KCNIP4: variants seen among roughly 807,000 people sequenced by gnomAD.
KCNIP4 encodes the protein potassium voltage-gated channel interacting protein 4, also known as Kv channel-interacting protein 4.
Under a neutral mutation model 34.0 loss-of-function variants are expected in KCNIP4, and 12 were observed. That is an observed-to-expected ratio of 0.35 (90% CI 0.23 to 0.57). The LOEUF (loss-of-function observed/expected upper bound fraction) is 0.57. Ranked by LOEUF, KCNIP4 falls within the 20% of genes least tolerant of loss-of-function variation. KCNIP4 has a pLI of 0.83. For missense variants in KCNIP4, 238 were observed against 311.7 expected (o/e 0.76, Z 1.78); for synonymous variants, 124 against 102.2 (o/e 1.21, Z -1.29).
intron 1 of KCNIP4, among the ~76,000 whole-genome samples, chr4:21,069,091 A>C (rs1744666880): frequency 6.6e-6 from 1 of 152,222 alleles, no homozygotes; most frequent in Admixed American, 6.5e-5. Flanking sequence ...TTAAATAAAT[A>C]AATTGCTCTT....
chr4:20,739,908 C>T (rs981664993), intron 5 of KCNIP4, among the ~76,000 whole-genome samples: 1 of 152,096 alleles, frequency 6.6e-6, no homozygotes. Flanking sequence ...AATGACCTGA[C>T]GGAGCTGAAA....
rs1317550422 is a variant in KCNIP4 at position 20,729,097 on chromosome 4, G to T, written c.*985C>A. The T allele has an allele frequency of 6.6e-6, 1 of 151,934 alleles. No individual in the cohort carries two copies. The highest frequency in any genetic ancestry group is 2.0e-4 in the East Asian group (1 of 5,036). The allele number at this position is 151,934 out of a possible 1,614,324, so 9.4% of individuals were successfully genotyped here. A position where few individuals can be genotyped will look rare whatever the true frequency, so the allele number is the denominator to read the frequency against. On this transcript the variant is annotated 3_prime_UTR_variant, in exon 9 of 9. Coordinates refer to ENST00000382152, the MANE Select transcript of KCNIP4 (RefSeq NM_025221.6). Reference sequence around the variant, plus strand: ...GCTGTTTGTTCTTAGTAGACAGTGGGGTAGTCAAGGTTTCTTTCTTTGTCC... The same window carrying T: ...GCTGTTTGTTCTTAGTAGACAGTGGTGTAGTCAAGGTTTCTTTCTTTGTCC...
intron 1 of KCNIP4, among the ~76,000 whole-genome samples, chr4:20,910,710 C>G (rs1361668183): frequency 6.6e-6 from 1 of 152,292 alleles, no homozygotes; most frequent in African/African-American, 2.4e-5. Flanking sequence ...TTATCCATCC[C>G]CATGTTAAAC....
chr4:21,380,886 G>T (rs543255393), intron 1 of KCNIP4, among the ~76,000 whole-genome samples: 1 of 151,986 alleles, frequency 6.6e-6, no homozygotes, highest in South Asian at 2.1e-4. Flanking sequence ...TAGCCCATTT[G>T]TTTTCACAAC....
chr4:21,475,736 T>A (rs1241451405), intron 1 of KCNIP4, among the ~76,000 whole-genome samples: 1 of 152,226 alleles, frequency 6.6e-6, no homozygotes, highest in Non-Finnish European at 1.5e-5. Context: ...TGTGAAACTC[T>A]GATATTCTAG....
chr4:21,910,680 C>A (rs1190515896), intron 1 of KCNIP4, among the ~76,000 whole-genome samples: 1 of 152,182 alleles, frequency 6.6e-6, no homozygotes, highest in Non-Finnish European at 1.5e-5. Context: ...GGAGGCTTTT[C>A]ATTACTCTCT....
chr4:20,935,139 C>G (rs1730926338), intron 1 of KCNIP4, among the ~76,000 whole-genome samples: 1 of 152,088 alleles, frequency 6.6e-6, no homozygotes, highest in African/African-American at 2.4e-5. Context: ...CTTGATTGCA[C>G]CTAAAGAGAC....
In KCNIP4 at chr4:20,765,554, A is replaced by G. The variant is rs142030143; in HGVS notation, c.289-6664T>C. ...ACCTCCCCACCTTCCTGTGTGCCACATACTCTTTACTGTCATTGTAAATGG... is the reference window on the plus strand; with the variant it reads ...ACCTCCCCACCTTCCTGTGTGCCACGTACTCTTTACTGTCATTGTAAATGG... On this transcript the variant is annotated intron_variant, in intron 3 of 8. Transcript: ENST00000382152. 3.2e-3 allele frequency among the ~76,000 whole-genome samples: 489 copies of G among 152,320 alleles called. 1 individual carries two copies. The highest frequency in any genetic ancestry group is 0.017 in the Middle Eastern group (5 of 294).
chr4:21,864,282 A>G (rs576225654), intron 1 of KCNIP4, among the ~76,000 whole-genome samples: 22 of 152,380 alleles, frequency 1.4e-4, no homozygotes, highest in African/African-American at 5.3e-4. Context: ...AACGTTTATA[A>G]GCAAGGGAAA....
intron 1 of KCNIP4, among the ~76,000 whole-genome samples, chr4:21,926,441 A>C (rs1729246599): frequency 6.6e-6 from 1 of 152,214 alleles, no homozygotes; most frequent in Non-Finnish European, 1.5e-5. Context: ...AAAGCTGAGA[A>C]GCAGGTGTTT....
At chr4:21,157,688 G>A (rs1283638758) in intron 1 of KCNIP4, among the ~76,000 whole-genome samples, 1 of 152,084 alleles carries the variant, frequency 6.6e-6, no homozygotes, top group East Asian at 1.9e-4. Flanking sequence ...TATGTACACA[G>A]AAATTGAATC....
At chr4:21,183,341 TC>T (rs1754982196) in intron 1 of KCNIP4, among the ~76,000 whole-genome samples, 1 of 152,182 alleles carries the variant, frequency 6.6e-6, no homozygotes, top group South Asian at 2.1e-4. Flanking sequence ...TTATTTTTTT[TC>T]CTTTGGATAT....
chr4:20,945,377 G>C (rs1057487420), intron 1 of KCNIP4, among the ~76,000 whole-genome samples: 1 of 152,140 alleles, frequency 6.6e-6, no homozygotes, highest in Non-Finnish European at 1.5e-5. Flanking sequence ...ATTCAGTTGT[G>C]TTGGCAAGAA....
chr4:20,731,012 T>TTAAAAA (rs1336918848), intron 8 of KCNIP4, among the ~76,000 whole-genome samples: 1 of 152,166 alleles, frequency 6.6e-6, no homozygotes, highest in Non-Finnish European at 1.5e-5. Flanking sequence ...GAACAACAAT[T>TTAAAAA]TAAAAATAAA....
At chr4:21,049,192 C>T (rs969181313) in intron 1 of KCNIP4, among the ~76,000 whole-genome samples, 1 of 151,698 alleles carries the variant, frequency 6.6e-6, no homozygotes, top group East Asian at 1.9e-4. Flanking sequence ...CCTCGTGATC[C>T]GCCCGCCTCG....
chr4:20,865,933 C>A (rs1722834886), intron 2 of KCNIP4, among the ~76,000 whole-genome samples: 1 of 151,972 alleles, frequency 6.6e-6, no homozygotes, highest in Non-Finnish European at 1.5e-5. Flanking sequence ...ATATGTACAT[C>A]AAAACGTCAT....
At chr4:21,009,064 T>C (rs1738833541) in intron 1 of KCNIP4, among the ~76,000 whole-genome samples, 1 of 152,198 alleles carries the variant, frequency 6.6e-6, no homozygotes, top group African/African-American at 2.4e-5. Context: ...TTCTGGATCA[T>C]AATGATCAAA....
chr4:21,797,053 T>C (rs1269882921), intron 1 of KCNIP4, among the ~76,000 whole-genome samples: 1 of 152,204 alleles, frequency 6.6e-6, no homozygotes, highest in Non-Finnish European at 1.5e-5. Flanking sequence ...CAGAAGCCAC[T>C]CAGCCTTCCC....
chr4:21,180,293 T>C (rs566423384), intron 1 of KCNIP4, among the ~76,000 whole-genome samples: 1 of 152,242 alleles, frequency 6.6e-6, no homozygotes, highest in East Asian at 1.9e-4. Context: ...AGTACTAGAG[T>C]TTATGACTAG....
Sources: gnomAD v4.1 joint callset for allele counts (sites outside exome capture counted in the v4.1 genomes callset) on GRCh38, gnomAD v4.1.1 for gene constraint, MANE v1.5 for transcripts, NCBI Gene and HGNC (gene_info 2026-07-23, HGNC 2026-07-21) for gene names.